Variants in ATM observed in about 807,000 individuals in gnomAD.
ATM encodes ATM serine/threonine kinase, also known as serine-protein kinase ATM.
In ATM, 308 loss-of-function variants were observed where a neutral mutation model predicts 387.0. The observed-to-expected ratio is 0.80, with a 90% CI of 0.73 to 0.87. The LOEUF is 0.87. ATM is among the 40% of genes least tolerant of loss of function. The pLI, the probability that ATM is intolerant of heterozygous loss-of-function variation, is 0.00. For missense variants in ATM, 3,312 were observed against 3,560.9 expected, an observed-to-expected ratio of 0.93 and a Z score of 1.78; for synonymous variants, 1,156 against 1,187.3, an observed-to-expected ratio of 0.97 and a Z score of 0.54.
At chr11:108,235,483 T>A (rs1438775447) in intron 4 of ATM, among the ~76,000 whole-genome samples, 187 bp from the exon 5 acceptor site, 1 of 151,834 alleles carries the variant, frequency 6.6e-6, no homozygotes, top group African/African-American at 2.4e-5. Flanking sequence ...TATGTTCCAA[T>A]AAAATGTTAT....
At chr11:108,356,071 T>C (rs1465321947) in intron 61 of ATM, 1 of 152,232 alleles carries the variant, frequency 6.6e-6, no homozygotes, top group Admixed American at 6.5e-5. Flanking sequence ...TCAAATTCTG[T>C]TCATACATGT....
intron 33 of ATM, 50 bp from the exon 34 acceptor site, chr11:108,299,664 T>G (rs1250674960): frequency 1.3e-6 from 2 of 1,572,734 alleles, no homozygotes; most frequent in African/African-American, 2.7e-5. Context: ...TTCAGTTTTA[T>G]GTATGATCTC....
intron 42 of ATM, among the ~76,000 whole-genome samples, chr11:108,316,459 T>G (rs572373781): frequency 2.0e-5 from 3 of 152,202 alleles, no homozygotes; most frequent in Non-Finnish European, 4.4e-5. Context: ...AAATCTTATG[T>G]AAACTATTTC....
intron 35 of ATM, among the ~76,000 whole-genome samples, chr11:108,302,167 A>G (rs886261302): frequency 1.3e-5 from 2 of 152,136 alleles, no homozygotes; most frequent in Non-Finnish European, 2.9e-5. Context: ...AACATATCAC[A>G]ATCCCCTGGT....
chr11:108,363,563 T>C (rs1441931483), intron 61 of ATM, among the ~76,000 whole-genome samples: 1 of 152,184 alleles, frequency 6.6e-6, no homozygotes, highest in African/African-American at 2.4e-5. Flanking sequence ...GAGGATAGTA[T>C]TGGCATCTAC....
rs1400626849 is a variant in ATM, at chr11:108,354,876, T to TA, written c.8850+5dup. On this transcript the variant is annotated splice_region_variant and intron_variant, in intron 61 of 62. Coordinates refer to ENST00000675843, the MANE Select transcript of ATM (RefSeq NM_000051.4). ...GAAACTCTGTTAACCATTGTAGAGG[T>TA]AAAGTATTTTATAAGGAAGACTTTA... The TA allele has an allele frequency of 4.3e-6, 7 of 1,610,134 alleles. No individual in the cohort carries two copies. The highest frequency in any genetic ancestry group is 6.0e-6 in the Non-Finnish European group (7 of 1,176,416).
chr11:108,342,943 A>C (rs1470372807), intron 56 of ATM, among the ~76,000 whole-genome samples: 2 of 152,196 alleles, frequency 1.3e-5, no homozygotes, highest in African/African-American at 2.4e-5. Context: ...ATGACAGATG[A>C]CGGTGAGTAT....
Position 108,253,990 on chromosome 11 carries a change from G to A in ATM, c.2075G>A (p.Arg692His), listed in dbSNP as rs751515818. 7 of 1,613,800 alleles carry A rather than the reference G, an allele frequency of 4.3e-6. No individual in the cohort carries two copies. Among genetic ancestry groups the A allele is most frequent in the East Asian group, 4.5e-5 (2 of 44,850 alleles). ...VHQNLKESLD[R>H]CLLGLSEQLL... Reference sequence around the variant, plus strand: ...CAGAATCTCAAGGAATCACTGGATCGCTGTCTTCTGGGATTATCAGAACAG... The same window carrying A: ...CAGAATCTCAAGGAATCACTGGATCACTGTCTTCTGGGATTATCAGAACAG... Residue 692 changes from arginine (R) to histidine (H), a missense_variant, in exon 13 of 63, where the codon CGC (arginine) becomes CAC (histidine). Physicochemically the swap from Arg to His is conservative, Grantham distance 29. Transcript: ENST00000675843.
intron 25 of ATM, among the ~76,000 whole-genome samples, 175 bp downstream of exon 25, chr11:108,283,054 C>T (rs971067236): frequency 2.6e-5 from 4 of 152,190 alleles, no homozygotes; most frequent in Non-Finnish European, 1.5e-5. Context: ...TGAAGGGAGT[C>T]ACTGGACTTC....
intron 26 of ATM, among the ~76,000 whole-genome samples, chr11:108,285,951 G>A (rs1044137375): frequency 1.2e-4 from 19 of 152,132 alleles, no homozygotes; most frequent in Admixed American, 7.2e-4. Flanking sequence ...AAGTAATTAC[G>A]TTCAACTTCG....
chr11:108,348,424 A>C (rs1002775292), intron 59 of ATM, among the ~76,000 whole-genome samples: 2 of 151,070 alleles, frequency 1.3e-5, no homozygotes, highest in South Asian at 4.2e-4. Context: ...TAGACAGTTT[A>C]ATATATAAGA....
At chr11:108,236,078 A>G in intron 5 of ATM, 2 of 503,828 alleles carry the variant, frequency 4.0e-6, no homozygotes, top group East Asian at 3.7e-5. Context: ...GAAAAATACC[A>G]TCTCCATCGT....
chr11:108,335,356 A>G (rs1268590034), intron 55 of ATM: 3 of 1,224,052 alleles, frequency 2.5e-6, no homozygotes, highest in Admixed American at 2.8e-5. Context: ...ATGTACAGAC[A>G]TGTACAGTGA....
intron 55 of ATM, 167 bp downstream of exon 55, chr11:108,335,276 C>T: frequency 1.3e-6 from 2 of 1,521,636 alleles, no homozygotes; most frequent in Non-Finnish European, 1.8e-6. Flanking sequence ...AGGCTTTTCT[C>T]CATTTTTTTT....
At chr11:108,267,844 C>T (rs200319124) in intron 17 of ATM, among the ~76,000 whole-genome samples, 2 of 152,134 alleles carry the variant, frequency 1.3e-5, no homozygotes, top group African/African-American at 4.8e-5. Flanking sequence ...GGCGACAGAG[C>T]GAGACTCCGT....
intron 28 of ATM, among the ~76,000 whole-genome samples, chr11:108,289,355 A>T (rs2082659635): frequency 6.6e-6 from 1 of 152,222 alleles, no homozygotes; most frequent in Non-Finnish European, 1.5e-5. Context: ...ACTTTTTCAT[A>T]GGAATATACT....
At chr11:108,238,213 C>G (rs1029241168) in intron 5 of ATM, among the ~76,000 whole-genome samples, 1 of 152,112 alleles carries the variant, frequency 6.6e-6, no homozygotes, top group Non-Finnish European at 1.5e-5. Context: ...AGACTTGAGC[C>G]ACCGCGTCTG....
intron 4 of ATM, among the ~76,000 whole-genome samples, chr11:108,234,973 A>G (rs1357743170): frequency 1.3e-5 from 2 of 152,190 alleles, no homozygotes; most frequent in African/African-American, 2.4e-5. Context: ...TTCTTCATAA[A>G]GAGTGCCAAA....
intron 56 of ATM, among the ~76,000 whole-genome samples, chr11:108,337,346 C>A (rs2086960498): frequency 6.6e-6 from 1 of 152,142 alleles, no homozygotes; most frequent in Admixed American, 6.5e-5. Flanking sequence ...GTTTAAAAAG[C>A]TAATTAATCC....
Sources: allele counts gnomAD v4.1 joint callset (sites outside exome capture counted in the v4.1 genomes callset), GRCh38; gene constraint gnomAD v4.1.1; transcripts MANE v1.5; gene names NCBI Gene and HGNC (gene_info 2026-07-23, HGNC 2026-07-21).